Variants in EPHA5 observed in about 807,000 individuals in gnomAD.
EPHA5 encodes the protein EPH receptor A5, also known as ephrin type-A receptor 5.
A neutral mutation model predicts 105.0 loss-of-function variants in EPHA5; 60 were observed. The observed-to-expected ratio is 0.57, with a 90% CI of 0.46 to 0.71. The LOEUF (loss-of-function observed/expected upper bound fraction) is 0.71. EPHA5 is among the 30% of genes least tolerant of loss of function. EPHA5 has a pLI of 0.00. For missense variants in EPHA5, 1,218 were observed against 1,274.7 expected (o/e 0.96, Z 0.68); for synonymous variants, 513 against 449.1 (o/e 1.14, Z -1.80).
At chr4:65,618,639 G>A (rs1347665680) in intron 2 of EPHA5, among the ~76,000 whole-genome samples, 3 of 152,110 alleles carry the variant, frequency 2.0e-5, no homozygotes, top group Non-Finnish European at 4.4e-5. Flanking sequence ...TTTCTGCTAC[G>A]AATTTTACAG....
At chr4:65,591,765 A>T (rs1302405752) in intron 3 of EPHA5, among the ~76,000 whole-genome samples, 2 of 152,094 alleles carry the variant, frequency 1.3e-5, no homozygotes, top group Admixed American at 6.5e-5. Context: ...TCTGTTCATT[A>T]CAATGTTAAA....
At chr4:65,559,161 T>G (rs1738761549) in intron 3 of EPHA5, among the ~76,000 whole-genome samples, 1 of 152,190 alleles carries the variant, frequency 6.6e-6, no homozygotes, top group Non-Finnish European at 1.5e-5. Context: ...AAATATTTTG[T>G]GGTAAATTTC....
At chr4:65,399,434 C>T (rs1192096070) in intron 8 of EPHA5, among the ~76,000 whole-genome samples, 5 of 152,150 alleles carry the variant, frequency 3.3e-5, no homozygotes, top group Admixed American at 6.5e-5. Context: ...GGCGAGTGGG[C>T]AGAACGAGCC....
chr4:65,579,744 A>C (rs1741432011), intron 3 of EPHA5, among the ~76,000 whole-genome samples: 1 of 151,948 alleles, frequency 6.6e-6, no homozygotes, highest in Non-Finnish European at 1.5e-5. Context: ...ATGGCAATCA[A>C]GACAGCTGAA....
chr4:65,519,727 G>C lies in EPHA5; in HGVS notation c.911-24184C>G, dbSNP rs988418772. Among the ~76,000 whole-genome samples, 12 of 151,854 alleles carry C rather than the reference G, an allele frequency of 7.9e-5. No homozygotes were observed. The East Asian group carries it at 9.7e-4, about 12-fold the overall frequency. ...CAAAAATCACAAGCATTCTTATACAGCAATAACAGACAAACAGAGAGCAAA... is the reference window on the plus strand; with the variant it reads ...CAAAAATCACAAGCATTCTTATACACCAATAACAGACAAACAGAGAGCAAA... On this transcript the variant is annotated intron_variant, in intron 3 of 16. Transcript: ENST00000613740.
At chr4:65,497,322 G>A (rs556872633) in intron 3 of EPHA5, among the ~76,000 whole-genome samples, 1 of 152,142 alleles carries the variant, frequency 6.6e-6, no homozygotes, top group East Asian at 1.9e-4. Flanking sequence ...GAATAATCAG[G>A]AATTGGCAAA....
intron 2 of EPHA5, among the ~76,000 whole-genome samples, chr4:65,610,712 CATT>C (rs1744685462): frequency 6.6e-6 from 1 of 152,056 alleles, no homozygotes; most frequent in African/African-American, 2.4e-5. Context: ...TAAATGATCT[CATT>C]ATTGTTTTAT....
At chr4:65,574,009 G>C (rs1410311060) in intron 3 of EPHA5, 1 of 1,597,976 alleles carries the variant, frequency 6.3e-7, no homozygotes, top group African/African-American at 1.3e-5. Flanking sequence ...GTCCTCAATC[G>C]AGTTCCTCTA....
At chr4:65,368,252 G>A (rs1028489959) in intron 8 of EPHA5, among the ~76,000 whole-genome samples, 6 of 151,892 alleles carry the variant, frequency 4.0e-5, no homozygotes, top group South Asian at 2.1e-4. Flanking sequence ...ATTTCTATCC[G>A]TTTAATTAAT....
chr4:65,535,151 A>G lies in EPHA5; in HGVS notation c.911-39608T>C, dbSNP rs553703090. Among the ~76,000 whole-genome samples, 15 of 152,268 alleles carry G rather than the reference A, an allele frequency of 9.9e-5. No homozygotes were observed. In the South Asian group the frequency reaches 2.9e-3, roughly 29 times the overall value. On this transcript the variant is annotated intron_variant, in intron 3 of 16. Coordinates refer to ENST00000613740, the MANE Select transcript of EPHA5 (RefSeq NM_001281766.3). ...ACATGTGAACTAAAATCAAATAATT[A>G]ATTTGTTTTATCATTTGTCTTTATA...
chr4:65,407,836 A>G (rs1347400911), intron 7 of EPHA5, among the ~76,000 whole-genome samples: 1 of 151,672 alleles, frequency 6.6e-6, no homozygotes, highest in African/African-American at 2.4e-5. Context: ...GCTCATTGCA[A>G]CCTCTGCTGC....
intron 2 of EPHA5, among the ~76,000 whole-genome samples, chr4:65,605,904 A>C (rs189234796): frequency 4.7e-4 from 72 of 152,294 alleles, no homozygotes; most frequent in African/African-American, 1.7e-3. Flanking sequence ...AATAGAGAAC[A>C]TCACAAAGAG....
At chr4:65,476,363 G>A (rs1289923445) in intron 5 of EPHA5, among the ~76,000 whole-genome samples, 1 of 148,276 alleles carries the variant, frequency 6.7e-6, no homozygotes, top group Non-Finnish European at 1.5e-5. Flanking sequence ...TGGATCCTTT[G>A]TCATGATTTT....
At chr4:65,540,447 T>C (rs779009971) in intron 3 of EPHA5, among the ~76,000 whole-genome samples, 13 of 151,418 alleles carry the variant, frequency 8.6e-5, no homozygotes, top group Non-Finnish European at 1.5e-4. Context: ...GCTCAGAGGA[T>C]GTCTTTTCAG....
chr4:65,549,621 G>C (rs1737703960), intron 3 of EPHA5, among the ~76,000 whole-genome samples: 1 of 152,050 alleles, frequency 6.6e-6, no homozygotes, highest in South Asian at 2.1e-4. Context: ...GCTATAATTT[G>C]TAGGGCAACC....
chr4:65,366,323 A>G (rs112557889), intron 9 of EPHA5, among the ~76,000 whole-genome samples: 2,022 of 151,918 alleles, frequency 0.013, 40 homozygotes, highest in African/African-American at 0.046. Context: ...GAAAGTCTCC[A>G]AGGCAAATTA....
rs1054336327 is a variant in EPHA5 at position 65,670,186 on chromosome 4, AGG to A, written c.-446_-445del. 1.6e-5 allele frequency: 4 copies of A among 242,728 alleles called. No homozygotes were observed. Among genetic ancestry groups the A allele is most frequent in the African/African-American group, 8.7e-5 (4 of 45,760 alleles). The allele number at this position is 242,728 out of a possible 1,614,324, so 15.0% of individuals were successfully genotyped here. On this transcript the variant is annotated 5_prime_UTR_variant, in exon 1 of 17. Transcript: ENST00000613740. ...GACGAAATCTCCGATTTTTTAAAAA[AGG>A]AGGAAAAAAGCAGGGTGGCTAAGGA...
chr4:65,582,223 A>G (rs896714093), intron 3 of EPHA5, among the ~76,000 whole-genome samples: 1 of 151,734 alleles, frequency 6.6e-6, no homozygotes, highest in Non-Finnish European at 1.5e-5. Flanking sequence ...AAATTTCCAT[A>G]TGACAAACAA....
intron 3 of EPHA5, among the ~76,000 whole-genome samples, chr4:65,565,703 A>G (rs1487629022): frequency 6.6e-6 from 1 of 151,604 alleles, no homozygotes; most frequent in African/African-American, 2.4e-5. Flanking sequence ...AAAAAAAAAG[A>G]TAATCTGTAA....
Sources: gnomAD v4.1 joint callset for allele counts (sites outside exome capture counted in the v4.1 genomes callset) on GRCh38, gnomAD v4.1.1 for gene constraint, MANE v1.5 for transcripts, NCBI Gene and HGNC (gene_info 2026-07-23, HGNC 2026-07-21) for gene names.